The following ISM2 variants were observed in gnomAD, a reference collection of about 807,000 sequenced individuals.
ISM2 encodes isthmin 2, also known as isthmin-2.
In ISM2, 50 loss-of-function variants were observed where a neutral mutation model predicts 58.0. That is an observed-to-expected ratio of 0.86 (90% CI 0.69 to 1.09). The LOEUF (loss-of-function observed/expected upper bound fraction) is 1.09. ISM2 is among the 50% of genes least tolerant of loss of function. The probability of loss-of-function intolerance (pLI) is 0.00; values close to 1 mark genes in which losing one functional copy is unlikely to be tolerated. For missense variants in ISM2, 723 were observed against 745.0 expected (o/e 0.97, Z 0.34); for synonymous variants, 303 against 312.4 (o/e 0.97, Z 0.32).
At chr14:77,487,243 T>TAAATAAA (rs1331599364) in intron 1 of ISM2, among the ~76,000 whole-genome samples, 1 of 144,036 alleles carries the variant, frequency 6.9e-6, no homozygotes, top group African/African-American at 2.6e-5. Flanking sequence ...AGAATCCATC[T>TAAATAAA]TAAATAAATA....
intron 1 of ISM2, among the ~76,000 whole-genome samples, chr14:77,486,354 T>G (rs1264561161): frequency 6.6e-6 from 1 of 152,228 alleles, no homozygotes; most frequent in Non-Finnish European, 1.5e-5. Flanking sequence ...TCCAAACACC[T>G]GGCTCCAGGG....
intron 4 of ISM2, among the ~76,000 whole-genome samples, chr14:77,480,526 T>C (rs1364932093): frequency 2.1e-5 from 3 of 145,874 alleles, no homozygotes; most frequent in Non-Finnish European, 3.0e-5. Flanking sequence ...GGAGAAAAGC[T>C]GAAAAACACG....
chr14:77,484,090 A>G, intron 3 of ISM2: 1 of 489,784 alleles, frequency 2.0e-6, no homozygotes, highest in Non-Finnish European at 3.6e-6. Context: ...CATGGTCTAG[A>G]GAACAAAGGC....
chr14:77,481,259 G>C lies in ISM2; in HGVS notation c.973+1063C>G, dbSNP rs185138707. Among the ~76,000 whole-genome samples the C allele has an allele frequency of 9.9e-5, 15 of 151,904 alleles. No individual in the cohort carries two copies. The East Asian group carries it at 2.7e-3, about 28-fold the overall frequency. ...GGAGGCTGAGGCATGAGAATCGTCC[G>C]AACCTGGGAGGTGGAGGTTGCAGTG... is the stretch of plus-strand genomic sequence containing the variant. On this transcript the variant is annotated intron_variant, in intron 4 of 6. Transcript: ENST00000342219.
intron 6 of ISM2, among the ~76,000 whole-genome samples, chr14:77,476,930 C>T (rs1566752449): frequency 6.6e-6 from 1 of 152,120 alleles, no homozygotes; most frequent in Non-Finnish European, 1.5e-5. Flanking sequence ...CCCAGCTACT[C>T]GGGAGGCTGA....
chr14:77,477,049 C>T (rs900906543), intron 6 of ISM2, among the ~76,000 whole-genome samples: 3 of 152,154 alleles, frequency 2.0e-5, no homozygotes, highest in Admixed American at 6.6e-5. Flanking sequence ...CCATTTCACC[C>T]GGTCCCCATG....
intron 1 of ISM2, among the ~76,000 whole-genome samples, chr14:77,493,921 G>T (rs1048876656): frequency 2.0e-5 from 3 of 151,990 alleles, no homozygotes; most frequent in Non-Finnish European, 2.9e-5. Context: ...ACAGGTGCTT[G>T]CTACCATGCC....
At chr14:77,498,201 C>T in intron 1 of ISM2, 1 of 1,250,866 alleles carries the variant, frequency 8.0e-7, no homozygotes, top group African/African-American at 1.5e-5. Context: ...TGTGCCTCCG[C>T]TTGTCTCATG....
rs2079114278 is a variant in ISM2, at chr14:77,478,759, A to G, written c.974-44T>C. On this transcript the variant is annotated intron_variant, in intron 4 of 6. Transcript: ENST00000342219. ...TTGGGGGTGAGTGCATATAGCTCAC[A>G]GGGCAAATTGGTACAAATCAGCACA... 5.0e-6 allele frequency: 8 copies of G among 1,585,732 alleles called. No homozygotes were observed. The East Asian group carries it at 1.6e-4, about 31-fold the overall frequency.
intron 4 of ISM2, among the ~76,000 whole-genome samples, chr14:77,480,848 C>T (rs543303755): frequency 8.6e-5 from 13 of 151,934 alleles, no homozygotes; most frequent in African/African-American, 2.9e-4. Context: ...CATGAGCCAC[C>T]ATGCCCGGCT....
In ISM2 at chr14:77,475,833, C is replaced by A; in HGVS notation, c.1478G>T (p.Cys493Phe). The change falls in exon 7 of 7, where the codon TGC becomes TTC. Residue 493 changes from cysteine to phenylalanine, a missense_variant. Transcript: ENST00000342219. The surrounding 1 kb of genome is among the most constrained non-coding windows in gnomAD (Gnocchi z 4.1). ...ESSTLAAQHC[C>F]YDEDSRLLTR... ...CAGCAGCCGGCTGTCCTCGTCATAG[C>A]AGCAGTGCTGGGCGGCCAGTGTGCT... 1 of 1,612,014 alleles carries A rather than the reference C, an allele frequency of 6.2e-7. No individual in the cohort carries two copies. The highest frequency in any genetic ancestry group is 2.2e-5 in the East Asian group (1 of 44,872).
intron 6 of ISM2, 25 bp downstream of exon 6, chr14:77,478,217 G>A (rs1334985252): frequency 1.9e-6 from 3 of 1,606,160 alleles, no homozygotes; most frequent in East Asian, 2.2e-5. Flanking sequence ...CAAACCACCA[G>A]GGGCAAGCCT....
intron 4 of ISM2, among the ~76,000 whole-genome samples, chr14:77,481,920 G>A (rs534896624): frequency 6.6e-6 from 1 of 150,986 alleles, no homozygotes; most frequent in Non-Finnish European, 1.5e-5. Flanking sequence ...TGCAACATAG[G>A]GAGACCTCAT....
chr14:77,496,660 G>T (rs12436210), intron 1 of ISM2, among the ~76,000 whole-genome samples: 10,385 of 151,706 alleles, frequency 0.068, 525 homozygotes, highest in Admixed American at 0.16. Context: ...AGCCGGGCGT[G>T]GTGGCGTGAG....
At chr14:77,490,254 C>T (rs967966409) in intron 1 of ISM2, among the ~76,000 whole-genome samples, 10 of 152,224 alleles carry the variant, frequency 6.6e-5, no homozygotes, top group Admixed American at 3.9e-4. Context: ...GCCTCGGCCT[C>T]CCAAAGTGCT....
chr14:77,479,240 C>T (rs1306879597), intron 4 of ISM2, among the ~76,000 whole-genome samples: 4 of 151,590 alleles, frequency 2.6e-5, no homozygotes, highest in Non-Finnish European at 4.4e-5. Context: ...CTAATTTTTT[C>T]TTTTTTTGAG....
At chr14:77,488,981 G>A (rs1253271749) in intron 1 of ISM2, among the ~76,000 whole-genome samples, 1 of 152,054 alleles carries the variant, frequency 6.6e-6, no homozygotes, top group South Asian at 2.1e-4. Flanking sequence ...TTCTTTTGGG[G>A]GGTGGTGTCA....
At chr14:77,476,569 G>A (rs1168212078) in intron 6 of ISM2, among the ~76,000 whole-genome samples, 1 of 152,134 alleles carries the variant, frequency 6.6e-6, no homozygotes, top group African/African-American at 2.4e-5. Flanking sequence ...ATCTGGCCTG[G>A]GGTGAGTCAT....
intron 5 of ISM2, 82 bp from the exon 6 acceptor site, chr14:77,478,407 G>A (rs1470327575): frequency 7.6e-6 from 11 of 1,448,616 alleles, no homozygotes; most frequent in Non-Finnish European, 1.9e-6. Flanking sequence ...CACCTCAATA[G>A]GCTCTCAGTG....
Sources: gnomAD v4.1 joint callset for allele counts (sites outside exome capture counted in the v4.1 genomes callset) on GRCh38, gnomAD v4.1.1 for gene constraint, Gnocchi (gnomAD v3.1) non-coding constraint, MANE v1.5 for transcripts, NCBI Gene and HGNC (gene_info 2026-07-23, HGNC 2026-07-21) for gene names.